The following TMTC1 variants were observed in gnomAD, a reference collection of about 807,000 sequenced individuals.
TMTC1 encodes the protein protein O-mannosyl-transferase TMTC1.
A neutral mutation model predicts 104.8 loss-of-function variants in TMTC1; 73 were observed. That is an observed-to-expected ratio of 0.70 (90% CI 0.58 to 0.85). The LOEUF (loss-of-function observed/expected upper bound fraction) is 0.85. TMTC1 is among the 40% of genes least tolerant of loss of function. The probability of loss-of-function intolerance (pLI) is 0.00; values close to 1 mark genes in which losing one functional copy is unlikely to be tolerated. For missense variants in TMTC1, 1,035 were observed against 1,096.1 expected, an observed-to-expected ratio of 0.94 and a Z score of 0.79; for synonymous variants, 434 against 428.7, an observed-to-expected ratio of 1.01 and a Z score of -0.15.
chr12:29,521,340 CTCAG>C (rs1944151176), intron 11 of TMTC1, among the ~76,000 whole-genome samples: 1 of 152,142 alleles, frequency 6.6e-6, no homozygotes, highest in African/African-American at 2.4e-5. Flanking sequence ...ACTTCCCATA[CTCAG>C]TCCATGCTTT....
At chr12:29,721,755 T>C (rs563844960) in intron 5 of TMTC1, among the ~76,000 whole-genome samples, 6 of 152,116 alleles carry the variant, frequency 3.9e-5, no homozygotes, top group Non-Finnish European at 8.8e-5. Flanking sequence ...TGAAAAACTA[T>C]TGACAACCCT....
chr12:29,761,671 A>G (rs1943353349), intron 2 of TMTC1, among the ~76,000 whole-genome samples: 1 of 152,022 alleles, frequency 6.6e-6, no homozygotes, highest in Admixed American at 6.6e-5. Flanking sequence ...GTACCATAAG[A>G]GCTGAATGAT....
At chr12:29,509,251 C>T (rs1262508574) in intron 17 of TMTC1, among the ~76,000 whole-genome samples, 2 of 152,178 alleles carry the variant, frequency 1.3e-5, no homozygotes, top group Non-Finnish European at 2.9e-5. Context: ...TGATGCAACT[C>T]TTTGATGATA....
chr12:29,507,345 G>C (rs987221624), intron 17 of TMTC1, among the ~76,000 whole-genome samples: 2 of 152,152 alleles, frequency 1.3e-5, no homozygotes, highest in Non-Finnish European at 2.9e-5. Context: ...TCATGTTAGG[G>C]GAATGGGGTG....
intron 5 of TMTC1, among the ~76,000 whole-genome samples, chr12:29,660,179 G>T (rs1939949646): frequency 6.6e-6 from 1 of 152,182 alleles, no homozygotes; most frequent in African/African-American, 2.4e-5. Context: ...TAATCTTTGG[G>T]AGGTGCAGCA....
At chr12:29,599,733 T>C (rs942611802) in intron 7 of TMTC1, among the ~76,000 whole-genome samples, 3 of 152,094 alleles carry the variant, frequency 2.0e-5, no homozygotes, top group Non-Finnish European at 2.9e-5. Context: ...AAACAAATAT[T>C]TGATGAGCAG....
At chr12:29,597,389 T>G (rs1003566449) in intron 7 of TMTC1, among the ~76,000 whole-genome samples, 4 of 151,844 alleles carry the variant, frequency 2.6e-5, no homozygotes, top group African/African-American at 9.7e-5. Context: ...CATGTGAACG[T>G]CTACGCATCA....
intron 12 of TMTC1, 50 bp from the exon 13 acceptor site, chr12:29,518,657 G>A: frequency 6.3e-7 from 1 of 1,583,304 alleles, no homozygotes; most frequent in South Asian, 1.1e-5. Context: ...TTTTATAAAA[G>A]ACATGAACAT....
chr12:29,682,920 A>G (rs1419705311), intron 5 of TMTC1, among the ~76,000 whole-genome samples: 2 of 152,202 alleles, frequency 1.3e-5, no homozygotes, highest in Non-Finnish European at 2.9e-5. Context: ...CCTGGTTATG[A>G]TATTGTACTA....
intron 9 of TMTC1, among the ~76,000 whole-genome samples, chr12:29,565,928 A>G (rs189653357): frequency 1.3e-3 from 191 of 152,336 alleles, no homozygotes; most frequent in African/African-American, 4.3e-3. Flanking sequence ...ACTCAGTGCC[A>G]TGTTCCTGGC....
intron 5 of TMTC1, among the ~76,000 whole-genome samples, chr12:29,665,150 C>T (rs1940224479): frequency 6.7e-6 from 1 of 149,982 alleles, no homozygotes; most frequent in African/African-American, 2.5e-5. Context: ...TACCCAATTT[C>T]AAAAAAAAAG....
intron 7 of TMTC1, among the ~76,000 whole-genome samples, chr12:29,590,582 T>C (rs180874993): frequency 5.5e-4 from 84 of 152,128 alleles, no homozygotes; most frequent in Non-Finnish European, 9.7e-4. Context: ...GTCGGGAGTT[T>C]GAGACCAGCC....
In TMTC1 at chr12:29,557,849, C is replaced by G. The variant is rs373781205; in HGVS notation, c.1533-849G>C. ...AAAAATAAACTTAATCTGCAAAATG[C>G]CTCCTCTTCTCTTTTTTTCCATTTT... is the stretch of plus-strand genomic sequence containing the variant. On this transcript the variant is annotated intron_variant, in intron 9 of 17. Coordinates refer to ENST00000539277, the MANE Select transcript of TMTC1 (RefSeq NM_001193451.2). Among the ~76,000 whole-genome samples the G allele has an allele frequency of 1.2e-4, 18 of 152,268 alleles. No homozygotes were observed. The East Asian group carries it at 1.7e-3, about 15-fold the overall frequency.
rs117364205 is a variant in TMTC1, at chr12:29,779,151, G to A, written c.302+4299C>T. On this transcript the variant is annotated intron_variant, in intron 1 of 17. Transcript: ENST00000539277. ...AGCACTGGAGGAGCTGAGGGCCTGGGTGCTGCTGCAAACCAACAGCATGTT... is the reference window on the plus strand; with the variant it reads ...AGCACTGGAGGAGCTGAGGGCCTGGATGCTGCTGCAAACCAACAGCATGTT... Among the ~76,000 whole-genome samples the A allele has an allele frequency of 1.3e-4, 20 of 152,336 alleles. No individual in the cohort carries two copies. In the East Asian group the frequency reaches 3.3e-3, roughly 25 times the overall value.
At chr12:29,650,682 CA>C (rs1939477774) in intron 5 of TMTC1, among the ~76,000 whole-genome samples, 1 of 152,162 alleles carries the variant, frequency 6.6e-6, no homozygotes, top group Non-Finnish European at 1.5e-5. Flanking sequence ...AGTTTTCTAG[CA>C]GGGAAACCTT....
At chr12:29,739,743 C>A (rs537547377) in intron 5 of TMTC1, among the ~76,000 whole-genome samples, 1 of 151,878 alleles carries the variant, frequency 6.6e-6, no homozygotes, top group African/African-American at 2.4e-5. Flanking sequence ...GGGTCTTGCT[C>A]TGTTGCCCAG....
intron 5 of TMTC1, among the ~76,000 whole-genome samples, chr12:29,695,667 C>G (rs932334038): frequency 6.6e-6 from 1 of 151,592 alleles, no homozygotes; most frequent in African/African-American, 2.4e-5. Flanking sequence ...TAATACATTA[C>G]GATATAACCC....
At chr12:29,687,349 T>C (rs191122414) in intron 5 of TMTC1, among the ~76,000 whole-genome samples, 1 of 152,238 alleles carries the variant, frequency 6.6e-6, no homozygotes, top group East Asian at 1.9e-4. Context: ...AATACAATCA[T>C]GAGTAAATAA....
intron 10 of TMTC1, 47 bp from the exon 11 acceptor site, chr12:29,536,364 C>T (rs756936535): frequency 1.7e-6 from 2 of 1,211,572 alleles, no homozygotes; most frequent in African/African-American, 3.1e-5. Flanking sequence ...TTTAATAACA[C>T]TTTGTTTCAA....
Sources: allele counts gnomAD v4.1 joint callset (sites outside exome capture counted in the v4.1 genomes callset), GRCh38; gene constraint gnomAD v4.1.1; transcripts MANE v1.5; gene names NCBI Gene and HGNC (gene_info 2026-07-23, HGNC 2026-07-21).